MAP3K9: variants seen among roughly 807,000 people sequenced by gnomAD.
MAP3K9 encodes mitogen-activated protein kinase kinase kinase 9, also known as mixed lineage kinase 1 (tyr and ser/thr specificity).
In MAP3K9, 46 loss-of-function variants were observed where a neutral mutation model predicts 95.8. That is an observed-to-expected ratio of 0.48 (90% CI 0.38 to 0.61). MAP3K9 has a LOEUF of 0.61. MAP3K9 is among the 20% of genes least tolerant of loss of function. The pLI is 0.00. For missense variants in MAP3K9, 1,296 were observed against 1,474.3 expected, an observed-to-expected ratio of 0.88 and a Z score of 1.98; for synonymous variants, 533 against 593.8, an observed-to-expected ratio of 0.90 and a Z score of 1.49.
At chr14:70,799,222 C>T (rs996057651) in intron 2 of MAP3K9, among the ~76,000 whole-genome samples, 2 of 152,112 alleles carry the variant, frequency 1.3e-5, no homozygotes, top group Non-Finnish European at 2.9e-5. Flanking sequence ...AGGCTGGTCT[C>T]AAACTCCTGG....
intron 2 of MAP3K9, among the ~76,000 whole-genome samples, chr14:70,792,260 C>A (rs530459906): frequency 1.3e-5 from 2 of 152,206 alleles, no homozygotes; most frequent in African/African-American, 2.4e-5. Flanking sequence ...AGCGCTTGTA[C>A]ACTTTTGCCT....
chr14:70,782,204 C>T (rs1456420252), intron 2 of MAP3K9, among the ~76,000 whole-genome samples: 2 of 152,136 alleles, frequency 1.3e-5, no homozygotes, highest in African/African-American at 4.8e-5. Context: ...AGCACAACTC[C>T]TAAGGATGGA....
chr14:70,766,200 AAG>A (rs1171125189), intron 2 of MAP3K9, among the ~76,000 whole-genome samples: 1 of 152,134 alleles, frequency 6.6e-6, no homozygotes, highest in Admixed American at 6.5e-5. Flanking sequence ...TCACTGTAAC[AAG>A]AGTCAGTATG....
chr14:70,796,606 G>A lies in MAP3K9; in HGVS notation c.820+4061C>T, dbSNP rs193223355. ...CCTCTCCAGCGAGTGATGGCCAGGCGACCACACTCTGTCCAATTAACACAA... is the reference window on the plus strand; with the variant it reads ...CCTCTCCAGCGAGTGATGGCCAGGCAACCACACTCTGTCCAATTAACACAA... On this transcript the variant is annotated intron_variant, in intron 2 of 11. Transcript: ENST00000554752. Among the ~76,000 whole-genome samples, 26 of 152,256 alleles carry A rather than the reference G, an allele frequency of 1.7e-4. No homozygotes were observed. In the East Asian group the frequency reaches 2.7e-3, roughly 16 times the overall value.
intron 1 of MAP3K9, among the ~76,000 whole-genome samples, chr14:70,804,975 C>G (rs1228912385): frequency 3.3e-5 from 5 of 152,186 alleles, no homozygotes; most frequent in Non-Finnish European, 7.3e-5. Flanking sequence ...AACGAAGGAA[C>G]TAGACCTTCA....
Position 70,725,778 on chromosome 14 carries a change from A to G in MAP3K9, c.*4602T>C, listed in dbSNP as rs2053811862. ...AGAGGCAGGTACATTAGGGTGAACC[A>G]TATGAAATAGCTGATATTCGACTGT... On this transcript the variant is annotated 3_prime_UTR_variant, in exon 12 of 12. Transcript: ENST00000554752. 1 of 152,168 alleles carries G rather than the reference A, an allele frequency of 6.6e-6. No individual in the cohort carries two copies. The allele number at this position is 152,168 out of a possible 1,614,324, so 9.4% of individuals were successfully genotyped here.
At chr14:70,745,438 A>C (rs949711412) in intron 5 of MAP3K9, among the ~76,000 whole-genome samples, 1 of 152,182 alleles carries the variant, frequency 6.6e-6, no homozygotes, top group Non-Finnish European at 1.5e-5. Context: ...CAAAATAGCC[A>C]TAAAAGTGAT....
intron 5 of MAP3K9, among the ~76,000 whole-genome samples, chr14:70,744,901 G>A (rs550814944): frequency 3.3e-5 from 5 of 152,256 alleles, no homozygotes; most frequent in South Asian, 2.1e-4. Context: ...CTCTGAGAAT[G>A]GAAGCAGGAG....
At chr14:70,757,757 T>C (rs2054316514) in intron 3 of MAP3K9, among the ~76,000 whole-genome samples, 1 of 152,222 alleles carries the variant, frequency 6.6e-6, no homozygotes, top group African/African-American at 2.4e-5. Context: ...TTTATATTTC[T>C]GGTAAATTGA....
chr14:70,808,339 G>T (rs997643028), intron 1 of MAP3K9, among the ~76,000 whole-genome samples: 1 of 144,208 alleles, frequency 6.9e-6, no homozygotes, highest in Non-Finnish European at 1.5e-5. Context: ...GGGGACAGGC[G>T]TTAGAAGAGG....
intron 2 of MAP3K9, among the ~76,000 whole-genome samples, chr14:70,780,511 C>T (rs2054660810): frequency 6.6e-6 from 1 of 152,194 alleles, no homozygotes. Flanking sequence ...AAACCTCCCA[C>T]GTGTCTGCAG....
At chr14:70,742,622 G>T in intron 5 of MAP3K9, 31 bp from the exon 6 acceptor site, 1 of 1,608,472 alleles carries the variant, frequency 6.2e-7, no homozygotes, top group South Asian at 1.1e-5. Context: ...TCAGAGAAAA[G>T]ACTGGGGTGC....
intron 2 of MAP3K9, among the ~76,000 whole-genome samples, chr14:70,771,515 T>A (rs150297710): frequency 2.0e-5 from 3 of 151,890 alleles, no homozygotes; most frequent in Non-Finnish European, 2.9e-5. Context: ...ATAAAAACAG[T>A]CTCTGAGCTA....
At chr14:70,797,405 C>T (rs1158871795) in intron 2 of MAP3K9, among the ~76,000 whole-genome samples, 1 of 148,076 alleles carries the variant, frequency 6.8e-6, no homozygotes, top group African/African-American at 2.5e-5. Flanking sequence ...AGCAAGACTC[C>T]CATCTCTATT....
At chr14:70,790,376 T>C (rs578122392) in intron 2 of MAP3K9, among the ~76,000 whole-genome samples, 22 of 152,232 alleles carry the variant, frequency 1.4e-4, no homozygotes, top group Non-Finnish European at 2.9e-4. Context: ...ATTCATGCTT[T>C]AAGTCCTGGG....
intron 2 of MAP3K9, among the ~76,000 whole-genome samples, chr14:70,796,878 G>A (rs1237721264): frequency 6.6e-6 from 1 of 152,172 alleles, no homozygotes; most frequent in Non-Finnish European, 1.5e-5. Context: ...AAATCCTCCG[G>A]GCTTCTTTTC....
chr14:70,769,414 T>A lies in MAP3K9; in HGVS notation c.821-8232A>T, dbSNP rs559678243. On this transcript the variant is annotated intron_variant, in intron 2 of 11. Transcript: ENST00000554752. ...TATGATTTTACCAGCTATGTACACATCTCTAAATAAGATAATGTTTAGTTT... is the reference window on the plus strand; with the variant it reads ...TATGATTTTACCAGCTATGTACACAACTCTAAATAAGATAATGTTTAGTTT... Among the ~76,000 whole-genome samples, 7 of 152,314 alleles carry A rather than the reference T, an allele frequency of 4.6e-5. No homozygotes were observed. In the South Asian group the frequency reaches 1.5e-3, roughly 32 times the overall value.
At chr14:70,791,664 T>C (rs1255826187) in intron 2 of MAP3K9, among the ~76,000 whole-genome samples, 4 of 152,208 alleles carry the variant, frequency 2.6e-5, no homozygotes, top group African/African-American at 9.6e-5. Flanking sequence ...TCTCCACTCT[T>C]GCCTCTCTCA....
At chr14:70,791,527 G>A (rs2054807268) in intron 2 of MAP3K9, among the ~76,000 whole-genome samples, 1 of 152,202 alleles carries the variant, frequency 6.6e-6, no homozygotes, top group South Asian at 2.1e-4. Flanking sequence ...ACCAACCACA[G>A]GAAAGGATGG....
Sources: allele counts gnomAD v4.1 joint callset (sites outside exome capture counted in the v4.1 genomes callset), GRCh38; gene constraint gnomAD v4.1.1; transcripts MANE v1.5; gene names NCBI Gene and HGNC (gene_info 2026-07-23, HGNC 2026-07-21).